The following PLA2G4C variants were observed in gnomAD, a reference collection of about 807,000 sequenced individuals.
The protein encoded by PLA2G4C is cytosolic phospholipase A2 gamma.
In PLA2G4C, 64 loss-of-function variants were observed where a neutral mutation model predicts 73.8. The ratio of observed to expected loss-of-function variants is 0.87; its 90% confidence interval spans 0.71 to 1.07. The LOEUF (loss-of-function observed/expected upper bound fraction) is 1.07, where lower values mean the gene tolerates loss of function less well. Among genes scored for constraint, PLA2G4C ranks in the 50% least tolerant of loss-of-function variants. The pLI, the probability that PLA2G4C is intolerant of heterozygous loss-of-function variation, is 0.00. For missense variants in PLA2G4C, 622 were observed against 665.4 expected (o/e 0.93, Z 0.72); for synonymous variants, 254 against 252.1 (o/e 1.01, Z -0.07).
chr19:48,095,364 A>G (rs1321760141), intron 7 of PLA2G4C, 100 bp downstream of exon 7: 5 of 1,128,228 alleles, frequency 4.4e-6, no homozygotes, highest in African/African-American at 3.1e-5. Flanking sequence ...CTTTCCCCCA[A>G]GAAATTTAAG....
intron 10 of PLA2G4C, among the ~76,000 whole-genome samples, chr19:48,080,954 C>T (rs1245215438): frequency 2.9e-5 from 4 of 138,318 alleles, no homozygotes; most frequent in Admixed American, 1.6e-4. Flanking sequence ...GTCAGGAGAT[C>T]GAGACTATCC....
At chr19:48,074,705 A>G in intron 12 of PLA2G4C, 62 bp downstream of exon 12, 1 of 1,119,762 alleles carries the variant, frequency 8.9e-7, no homozygotes, top group East Asian at 2.4e-5. Flanking sequence ...GGGAAGAGCA[A>G]GAGGGGGGAG....
intron 11 of PLA2G4C, 107 bp from the exon 12 acceptor site, chr19:48,074,981 G>T: frequency 1.5e-6 from 1 of 681,366 alleles, no homozygotes; most frequent in Non-Finnish European, 2.5e-6. Context: ...GGTTCCTCCT[G>T]AGGTGACCTC....
intron 11 of PLA2G4C, among the ~76,000 whole-genome samples, chr19:48,075,784 TTTG>T (rs1295163547): frequency 5.3e-5 from 8 of 152,234 alleles, no homozygotes; most frequent in East Asian, 3.9e-4. Flanking sequence ...CCATTTCTTT[TTTG>T]TTGTTGTTGT....
rs1222716836 is a variant in PLA2G4C, at chr19:48,105,346, ATCC to A, written c.104_106del (p.Arg35del). 5 of 1,612,424 alleles carry A rather than the reference ATCC, an allele frequency of 3.1e-6. No individual in the cohort carries two copies. The highest frequency in any genetic ancestry group is 4.2e-6 in the Non-Finnish European group (5 of 1,179,130). On this transcript the variant is annotated inframe_deletion, in exon 3 of 17. Coordinates refer to ENST00000599921, the MANE Select transcript of PLA2G4C (RefSeq NM_003706.3). ...CCCCTCACTTACCTCATCAGCCTCAATCCTTAGCTTCTTCAGAGCTTTCAGCAC... is the reference window on the plus strand; with the variant it reads ...CCCCTCACTTACCTCATCAGCCTCAATTAGCTTCTTCAGAGCTTTCAGCAC...
chr19:48,076,395 C>T (rs1278938745), intron 11 of PLA2G4C, among the ~76,000 whole-genome samples: 3 of 152,170 alleles, frequency 2.0e-5, no homozygotes, highest in African/African-American at 7.2e-5. Flanking sequence ...CTCCAGCTCT[C>T]TCCTCTCATG....
At chr19:48,077,720 G>A (rs777474406) in intron 11 of PLA2G4C, 51 bp downstream of exon 11, 2 of 1,334,424 alleles carry the variant, frequency 1.5e-6, no homozygotes, top group South Asian at 1.3e-5. Flanking sequence ...CTTCAAGCCA[G>A]TGTGCAGTCC....
intron 13 of PLA2G4C, among the ~76,000 whole-genome samples, chr19:48,062,601 C>G (rs964875322): frequency 6.6e-6 from 1 of 152,134 alleles, no homozygotes; most frequent in Non-Finnish European, 1.5e-5. Flanking sequence ...CAGAGCGAGA[C>G]TCTATCTCAA....
chr19:48,100,620 A>AAG (rs1313514612), intron 4 of PLA2G4C, among the ~76,000 whole-genome samples: 1,488 of 146,114 alleles, frequency 0.01, 46 homozygotes, highest in African/African-American at 0.036. Context: ...AAAAAAAAAA[A>AAG]AAAAAAAAGC....
intron 2 of PLA2G4C, 109 bp from the exon 3 acceptor site, chr19:48,105,553 G>A (rs564168966): frequency 3.9e-5 from 29 of 745,610 alleles, no homozygotes; most frequent in African/African-American, 1.6e-4. Context: ...ACCAGCCCAC[G>A]GGTACATGGT....
intron 5 of PLA2G4C, among the ~76,000 whole-genome samples, chr19:48,098,798 A>C (rs2031749629): frequency 7.5e-6 from 1 of 132,652 alleles, no homozygotes; most frequent in Admixed American, 8.4e-5. Flanking sequence ...GCTACTTGGG[A>C]GGCTGAGCTG....
intron 10 of PLA2G4C, among the ~76,000 whole-genome samples, chr19:48,082,644 G>A (rs1455831129): frequency 1.3e-5 from 2 of 150,488 alleles, no homozygotes; most frequent in Non-Finnish European, 3.0e-5. Context: ...GGTTACAGGC[G>A]CCCGCCACCA....
In PLA2G4C at chr19:48,061,974, G is replaced by A. The variant is rs375520931; in HGVS notation, c.1257+24C>T. 318 of 1,611,686 alleles carry A rather than the reference G, an allele frequency of 2.0e-4. 1 individual carries two copies. The highest frequency in any genetic ancestry group is 1.1e-3 in the South Asian group (98 of 90,966). ...CGCAGCCCACCTCCCACCCAGGACC[G>A]GCCCCAAAGCCCTTCTCGATTACCT... On this transcript the variant is annotated intron_variant, in intron 14 of 16. Coordinates refer to ENST00000599921, the MANE Select transcript of PLA2G4C (RefSeq NM_003706.3).
chr19:48,103,111 G>C (rs190018746), intron 4 of PLA2G4C, among the ~76,000 whole-genome samples: 1 of 152,078 alleles, frequency 6.6e-6, no homozygotes, highest in African/African-American at 2.4e-5. Context: ...GGGCTCAAGA[G>C]ATCCTCCCAC....
intron 2 of PLA2G4C, among the ~76,000 whole-genome samples, 191 bp from the exon 3 acceptor site, chr19:48,105,635 G>A (rs1454918374): frequency 2.6e-5 from 4 of 152,088 alleles, no homozygotes; most frequent in Admixed American, 6.5e-5. Flanking sequence ...TGAATGCATT[G>A]AATGCCAGTC....
chr19:48,057,052 G>A (rs149328660), intron 14 of PLA2G4C, among the ~76,000 whole-genome samples: 5 of 151,976 alleles, frequency 3.3e-5, no homozygotes, highest in Admixed American at 6.6e-5. Flanking sequence ...ATACTGGGGC[G>A]ATGAAATAAT....
At position 48,060,303 on chromosome 19, in the gene PLA2G4C, C is replaced by T. The variant is rs550399214; in HGVS notation, c.1257+1695G>A. ...TTTTCCATACTCGGTCATTAAAATCCGAGGTGTATTTTATCTTCATAGCAC... is the reference window on the plus strand; with the variant it reads ...TTTTCCATACTCGGTCATTAAAATCTGAGGTGTATTTTATCTTCATAGCAC... On this transcript the variant is annotated intron_variant, in intron 14 of 16. Coordinates refer to ENST00000599921, the MANE Select transcript of PLA2G4C (RefSeq NM_003706.3). 4.6e-5 allele frequency among the ~76,000 whole-genome samples: 7 copies of T among 152,100 alleles called. No homozygotes were observed. In the South Asian group the frequency reaches 8.3e-4, roughly 18 times the overall value.
intron 8 of PLA2G4C, among the ~76,000 whole-genome samples, chr19:48,089,834 C>T (rs897310890): frequency 9.9e-5 from 15 of 152,142 alleles, no homozygotes; most frequent in African/African-American, 3.1e-4. Flanking sequence ...TATAGATCCC[C>T]GCGTCTGCAC....
At chr19:48,070,013 A>T (rs12461409) in intron 12 of PLA2G4C, among the ~76,000 whole-genome samples, 39,691 of 151,690 alleles carry the variant, frequency 0.26, 5,490 homozygotes, top group East Asian at 0.51. Flanking sequence ...CAGGTGATTC[A>T]CCCACTTCGG....
Sources: allele counts gnomAD v4.1 joint callset (sites outside exome capture counted in the v4.1 genomes callset), GRCh38; gene constraint gnomAD v4.1.1; transcripts MANE v1.5; gene names NCBI Gene and HGNC (gene_info 2026-07-23, HGNC 2026-07-21).